SUN2: variants seen among roughly 807,000 people sequenced by gnomAD.
The protein encoded by SUN2 is Sad1 and UNC84 domain containing 2, also known as SUN domain-containing protein 2.
A neutral mutation model predicts 100.0 loss-of-function variants in SUN2; 60 were observed. The observed-to-expected ratio is 0.60, with a 90% confidence interval of 0.49 to 0.74. The LOEUF (loss-of-function observed/expected upper bound fraction) is 0.74. SUN2 is among the 30% of genes least tolerant of loss of function. The probability of loss-of-function intolerance (pLI) is 0.00; values close to 1 mark genes in which losing one functional copy is unlikely to be tolerated. For missense variants in SUN2, 834 were observed against 954.6 expected (o/e 0.87, Z 1.66); for synonymous variants, 367 against 403.3 (o/e 0.91, Z 1.08).
In SUN2 at chr22:38,740,234, G is replaced by A; in HGVS notation, c.1356+33C>T. The A allele has an allele frequency of 6.6e-7, 1 of 1,512,596 alleles. No individual in the cohort carries two copies. Among genetic ancestry groups the A allele is most frequent in the East Asian group, 2.4e-5 (1 of 42,058 alleles). The allele number at this position is 1,512,596 out of a possible 1,614,324, so 93.7% of individuals were successfully genotyped here. A position where few individuals can be genotyped will look rare whatever the true frequency, so the allele number is the denominator to read the frequency against. On this transcript the variant is annotated intron_variant, in intron 12 of 17. Transcript: ENST00000689035. This position sits in a 1 kb window ranked among gnomAD's most constrained non-coding sequence, Gnocchi z 4.8. ...CACGTCGTCTCAAAGGAGGAGGAGA[G>A]GGACCAGCAGGGCCCTGGTGGTTCC...
chr22:38,739,556 T>C lies in SUN2; in HGVS notation c.1579-130A>G. On this transcript the variant is annotated intron_variant, in intron 13 of 17. Transcript: ENST00000689035. The surrounding 1 kb of genome is among the most constrained non-coding windows in gnomAD (Gnocchi z 6.7). The stretch of plus-strand genomic sequence containing the variant: ...TGCACTGTGCTGGTGCCCAGGCAGA[T>C]GTGGGCACACTGCCACCCACCCATG... 7.7e-7 allele frequency: 1 copy of C among 1,303,432 alleles called. No individual in the cohort carries two copies. Among genetic ancestry groups the C allele is most frequent in the South Asian group, 1.3e-5 (1 of 79,408 alleles). The allele number at this position is 1,303,432 out of a possible 1,614,324, so 80.7% of individuals were successfully genotyped here.
chr22:38,742,153 A>G, intron 9 of SUN2, 148 bp downstream of exon 9: 1 of 1,102,664 alleles, frequency 9.1e-7, no homozygotes, highest in South Asian at 1.8e-5. Context: ...AAAAAGAAAA[A>G]AAAAAAAGAA....
At chr22:38,741,371 G>A in intron 10 of SUN2, 123 bp downstream of exon 10, 1 of 1,010,530 alleles carries the variant, frequency 9.9e-7, no homozygotes, top group Non-Finnish European at 1.5e-6. Flanking sequence ...AGTCAGAGGA[G>A]GGCACTCCCC....
chr22:38,750,435 CA>C, intron 4 of SUN2, 115 bp from the exon 5 acceptor site: 1 of 1,534,164 alleles, frequency 6.5e-7, no homozygotes, highest in Non-Finnish European at 8.8e-7. Context: ...CCCACAGCCC[CA>C]CACAGGCCCG....
At position 38,751,929 on chromosome 22, in the gene SUN2, A is replaced by G. The variant is rs530931094; in HGVS notation, c.123-556T>C. ...AGTTTTGGGGTTTCCGGCCTGGCTT[A>G]TGGTTGAAGCTGCCTCTCTCCACTT... is the stretch of plus-strand genomic sequence containing the variant. On this transcript the variant is annotated intron_variant, in intron 2 of 17. Transcript: ENST00000689035. Among the ~76,000 whole-genome samples, 16 of 152,262 alleles carry G rather than the reference A, an allele frequency of 1.1e-4. 1 individual carries two copies. The South Asian group carries it at 3.3e-3, about 32-fold the overall frequency.
chr22:38,736,191 G>T lies in SUN2; in HGVS notation c.*76C>A. 1 of 1,382,468 alleles carries T rather than the reference G, an allele frequency of 7.2e-7. No homozygotes were observed. Among genetic ancestry groups the T allele is most frequent in the Non-Finnish European group, 1.0e-6 (1 of 974,254 alleles). The allele number at this position is 1,382,468 out of a possible 1,614,324, so 85.6% of individuals were successfully genotyped here. A position where few individuals can be genotyped will look rare whatever the true frequency, so the allele number is the denominator to read the frequency against. On this transcript the variant is annotated 3_prime_UTR_variant, in exon 18 of 18. Coordinates refer to ENST00000689035, the MANE Select transcript of SUN2 (RefSeq NM_015374.3). ...GTGCTCCTAGAAGTCAGAGCGCCGAGCAAGCGTGTGGGGGAAGCGGCGGGG... is the reference window on the plus strand; with the variant it reads ...GTGCTCCTAGAAGTCAGAGCGCCGATCAAGCGTGTGGGGGAAGCGGCGGGG...
Position 38,740,973 on chromosome 22 carries a change from G to C in SUN2, c.1190+34C>G, listed in dbSNP as rs968901974. On this transcript the variant is annotated intron_variant, in intron 11 of 17. Coordinates refer to ENST00000689035, the MANE Select transcript of SUN2 (RefSeq NM_015374.3). The surrounding 1 kb of genome is among the most constrained non-coding windows in gnomAD (Gnocchi z 4.8). ...CTGGAGAGTGGGTGGGGCTGGGGAGGAGCAGGCCGAGGCCAGCTGGTGGCG... is the reference window on the plus strand; with the variant it reads ...CTGGAGAGTGGGTGGGGCTGGGGAGCAGCAGGCCGAGGCCAGCTGGTGGCG... 36 of 1,573,756 alleles carry C rather than the reference G, an allele frequency of 2.3e-5. No individual in the cohort carries two copies. The highest frequency in any genetic ancestry group is 3.1e-5 in the Non-Finnish European group (36 of 1,159,708).
chr22:38,739,521 C>T lies in SUN2; in HGVS notation c.1579-95G>A, dbSNP rs1348384863. On this transcript the variant is annotated intron_variant, in intron 13 of 17. Coordinates refer to ENST00000689035, the MANE Select transcript of SUN2 (RefSeq NM_015374.3). The surrounding 1 kb of genome is among the most constrained non-coding windows in gnomAD (Gnocchi z 6.7). ...GGGCCAAGGACCCATGGGCTGACCC[C>T]TTCTAGGCTTGCACTGTGCTGGTGC... The T allele has an allele frequency of 6.9e-7, 1 of 1,446,958 alleles. No individual in the cohort carries two copies. The highest frequency in any genetic ancestry group is 9.6e-7 in the Non-Finnish European group (1 of 1,045,956). 89.6% of individuals were successfully genotyped at this position (1,446,958 alleles called of 1,614,324 possible). A position where few individuals can be genotyped will look rare whatever the true frequency, so the allele number is the denominator to read the frequency against.
At chr22:38,747,453 A>G (rs2092913177) in intron 7 of SUN2, among the ~76,000 whole-genome samples, 1 of 152,232 alleles carries the variant, frequency 6.6e-6, no homozygotes, top group South Asian at 2.1e-4. Flanking sequence ...CTTTTGGAAA[A>G]GTGTTCTACC....
rs771616583 is a variant in SUN2 at position 38,738,181 on chromosome 22, G to A, written c.2032C>T (p.His678Tyr). The change falls in exon 17 of 18, where the codon CAC becomes TAC. Residue 678 changes from histidine (H) to tyrosine (Y), a missense_variant. Physicochemically the swap from His to Tyr is moderately conservative, Grantham distance 83. Coordinates refer to ENST00000689035, the MANE Select transcript of SUN2 (RefSeq NM_015374.3). The surrounding 1 kb of genome is among the most constrained non-coding windows in gnomAD (Gnocchi z 6.6). ...ACAGCAGCATCCCGTACCTGAAAGT[G>A]AAACGTCTGAATAGGCTCGCCGTCC... is the stretch of plus-strand genomic sequence containing the variant. ...DQDGEPIQTFHFQAPTMATYQ... is the reference protein window; with the variant it reads ...DQDGEPIQTFYFQAPTMATYQ... The A allele has an allele frequency of 2.5e-6, 4 of 1,613,954 alleles. No homozygotes were observed. The highest frequency in any genetic ancestry group is 2.5e-6 in the Non-Finnish European group (3 of 1,179,976).
chr22:38,747,474 TA>T (rs1175432185), intron 7 of SUN2, among the ~76,000 whole-genome samples: 2 of 152,098 alleles, frequency 1.3e-5, no homozygotes, highest in African/African-American at 4.8e-5. Context: ...CTGTTATTAA[TA>T]AAAGAAATAC....
At chr22:38,741,344 C>G (rs993061389) in intron 10 of SUN2, 150 bp downstream of exon 10, 89 of 813,994 alleles carry the variant, frequency 1.1e-4, no homozygotes, top group Middle Eastern at 6.9e-4. Flanking sequence ...ACTAAGGGGT[C>G]GGGGGTCAAA....
At position 38,754,629 on chromosome 22, in the gene SUN2, G is replaced by A. The variant is rs111258079; in HGVS notation, c.-38+1134C>T. ...CCCCTCCCCCCTCCCTGCCCCGCCC[G>A]TACGGTCCCTACCTGAAGGCTCCAG... On this transcript the variant is annotated intron_variant, in intron 1 of 17. Coordinates refer to ENST00000689035, the MANE Select transcript of SUN2 (RefSeq NM_015374.3). 4.7e-5 allele frequency: 40 copies of A among 847,714 alleles called. No homozygotes were observed. The East Asian group carries it at 5.1e-4, about 11-fold the overall frequency. The allele number at this position is 847,714 out of a possible 1,614,324, so 52.5% of individuals were successfully genotyped here.
rs112637685 is a variant in SUN2 at position 38,738,638 on chromosome 22, G to C, written c.1896C>G (p.Ala632=). Residue 632 remains alanine, a synonymous_variant, in exon 16 of 18, where the codon GCC becomes GCG. Transcript: ENST00000689035. This position sits in a 1 kb window ranked among gnomAD's most constrained non-coding sequence, Gnocchi z 6.6. ...TAVTLEHVPK[A]LSPNSTISSA... Reference sequence around the variant, plus strand: ...TGGAGATAGTGCTGTTGGGTGACAAGGCCTTGGGCACATGCTCTAAGGTAA... The same window carrying C: ...TGGAGATAGTGCTGTTGGGTGACAACGCCTTGGGCACATGCTCTAAGGTAA... 1.2e-6 allele frequency: 2 copies of C among 1,613,932 alleles called. No homozygotes were observed. Among genetic ancestry groups the C allele is most frequent in the African/African-American group, 2.7e-5 (2 of 74,948 alleles).
intron 8 of SUN2, among the ~76,000 whole-genome samples, chr22:38,744,826 A>T (rs900070115): frequency 6.6e-6 from 1 of 152,200 alleles, no homozygotes; most frequent in Admixed American, 6.5e-5. Context: ...AATTGTCAGT[A>T]TCAGTACCTG....
At chr22:38,749,189 C>T (rs980018600) in intron 6 of SUN2, 5 of 200,676 alleles carry the variant, frequency 2.5e-5, no homozygotes, top group African/African-American at 4.6e-5. Flanking sequence ...CCCCTCTGCC[C>T]GGACCTGGAT....
At chr22:38,742,756 C>T in intron 8 of SUN2, 2 of 626,572 alleles carry the variant, frequency 3.2e-6, no homozygotes, top group Non-Finnish European at 5.4e-6. Flanking sequence ...CCAGGGATCA[C>T]TGGGTGCCGG....
chr22:38,745,254 C>G, intron 8 of SUN2: 2 of 462,806 alleles, frequency 4.3e-6, no homozygotes, highest in Admixed American at 4.7e-5. Flanking sequence ...CAGCTGACCC[C>G]CCCAGCCAAC....
chr22:38,755,275 CAG>C lies in SUN2; in HGVS notation c.-38+486_-38+487del, dbSNP rs2092977051. On this transcript the variant is annotated intron_variant, in intron 1 of 17. Coordinates refer to ENST00000689035, the MANE Select transcript of SUN2 (RefSeq NM_015374.3). This position sits in a 1 kb window ranked among gnomAD's most constrained non-coding sequence, Gnocchi z 5.7. Reference sequence around the variant, plus strand: ...CCCTCATTCCCACAGGCCAAACCTGCAGAAATTGTCACCAAAGGCGCGCCTCC... The same window carrying C: ...CCCTCATTCCCACAGGCCAAACCTGCAAATTGTCACCAAAGGCGCGCCTCC... 4 of 1,127,090 alleles carry C rather than the reference CAG, an allele frequency of 3.5e-6. No individual in the cohort carries two copies. Among genetic ancestry groups the C allele is most frequent in the Admixed American group, 4.6e-5 (1 of 21,830 alleles). 69.8% of individuals were successfully genotyped at this position (1,127,090 alleles called of 1,614,324 possible).
Sources: gnomAD v4.1 joint callset for allele counts (sites outside exome capture counted in the v4.1 genomes callset) on GRCh38, gnomAD v4.1.1 for gene constraint, Gnocchi (gnomAD v3.1) non-coding constraint, MANE v1.5 for transcripts, NCBI Gene and HGNC (gene_info 2026-07-23, HGNC 2026-07-21) for gene names.